The following BAIAP2 variants were observed in gnomAD, a reference collection of about 807,000 sequenced individuals.
The protein encoded by BAIAP2 is BAR/IMD domain-containing adapter protein 2.
Under a neutral mutation model 63.0 loss-of-function variants are expected in BAIAP2, and 18 were observed. The ratio of observed to expected loss-of-function variants is 0.29; its 90% CI spans 0.20 to 0.42. BAIAP2 has a LOEUF of 0.42. BAIAP2 is among the 10% of genes least tolerant of loss of function. The pLI, the probability that BAIAP2 is intolerant of heterozygous loss-of-function variation, is 1.00. For missense variants in BAIAP2, 610 were observed against 734.3 expected, an observed-to-expected ratio of 0.83 and a Z score of 1.96; for synonymous variants, 386 against 307.6, an observed-to-expected ratio of 1.25 and a Z score of -2.67.
At position 81,116,393 on chromosome 17, in the gene BAIAP2, C is replaced by T. The variant is rs577687450; in HGVS notation, c.*554C>T. On this transcript the variant is annotated 3_prime_UTR_variant, in exon 14 of 14. Coordinates refer to ENST00000428708, the MANE Select transcript of BAIAP2 (RefSeq NM_001144888.2). ...TCCCTCCCCATGCCCCTCGGTGGGG[C>T]TCTCCTGGGCCCCTCACTCCCACTG... The T allele has an allele frequency of 5.9e-4, 905 of 1,528,188 alleles. 6 individuals are homozygous for T. In the African/African-American group the frequency reaches 0.011, roughly 19 times the overall value. 94.7% of individuals were successfully genotyped at this position (1,528,188 alleles called of 1,614,324 possible). A position where few individuals can be genotyped will look rare whatever the true frequency, so the allele number is the denominator to read the frequency against.
At chr17:81,111,798 C>T (rs779996324) in intron 13 of BAIAP2, among the ~76,000 whole-genome samples, 1 of 152,240 alleles carries the variant, frequency 6.6e-6, no homozygotes, top group African/African-American at 2.4e-5. Flanking sequence ...TCGCCTACAC[C>T]TGTGTCTGGG....
At chr17:81,094,698 A>AG (rs1184503322) in intron 6 of BAIAP2, among the ~76,000 whole-genome samples, 7 of 152,134 alleles carry the variant, frequency 4.6e-5, no homozygotes, top group Non-Finnish European at 8.8e-5. Context: ...TCAGCCTGGG[A>AG]GGCCTGGTCA....
chr17:81,037,430 C>T (rs2046430352), intron 1 of BAIAP2, among the ~76,000 whole-genome samples: 2 of 152,338 alleles, frequency 1.3e-5, no homozygotes, highest in South Asian at 4.1e-4. Flanking sequence ...GTCTTTGAGA[C>T]CTTTTTGTGC....
At chr17:81,069,766 C>T (rs111400969) in intron 3 of BAIAP2, among the ~76,000 whole-genome samples, 17 of 152,290 alleles carry the variant, frequency 1.1e-4, no homozygotes, top group African/African-American at 2.9e-4. Context: ...AGGTTCAGTT[C>T]GCCTCCCAGC....
chr17:81,039,116 C>T (rs903887935), intron 1 of BAIAP2, among the ~76,000 whole-genome samples: 4 of 152,246 alleles, frequency 2.6e-5, no homozygotes, highest in African/African-American at 9.6e-5. Flanking sequence ...TGCATTTTCT[C>T]TACATGTGCA....
chr17:81,110,406 T>TA (rs2059778276), intron 13 of BAIAP2: 1 of 988,938 alleles, frequency 1.0e-6, no homozygotes, highest in African/African-American at 1.7e-5. Context: ...TATGAAGATG[T>TA]AAAGTGCTGA....
At chr17:81,052,222 G>A (rs758863430) in intron 1 of BAIAP2, among the ~76,000 whole-genome samples, 2 of 152,196 alleles carry the variant, frequency 1.3e-5, no homozygotes, top group Non-Finnish European at 2.9e-5. Context: ...GGCATGGAAA[G>A]TGCTTCCCTG....
chr17:81,040,914 G>A (rs957269296), intron 1 of BAIAP2, among the ~76,000 whole-genome samples: 2 of 152,230 alleles, frequency 1.3e-5, no homozygotes, highest in African/African-American at 4.8e-5. Flanking sequence ...GAGCAAGAGT[G>A]GAGGAGGCTG....
chr17:81,077,697 C>A (rs1204153724), intron 3 of BAIAP2, among the ~76,000 whole-genome samples: 1 of 152,222 alleles, frequency 6.6e-6, no homozygotes, highest in Non-Finnish European at 1.5e-5. Flanking sequence ...GCTGAGTATG[C>A]GGGTGGCTGT....
At chr17:81,098,953 A>G (rs2058083304) in intron 6 of BAIAP2, among the ~76,000 whole-genome samples, 1 of 150,470 alleles carries the variant, frequency 6.6e-6, no homozygotes, top group African/African-American at 2.5e-5. Context: ...TCTGGGACAC[A>G]TTCTCCCCGT....
intron 13 of BAIAP2, 79 bp from the exon 14 acceptor site, chr17:81,115,690 TG>T (rs2146243239): frequency 6.5e-7 from 1 of 1,546,132 alleles, no homozygotes; most frequent in East Asian, 2.2e-5. Context: ...GGGGAATCCC[TG>T]GGGCATCGGG....
At chr17:81,103,781 C>G in intron 8 of BAIAP2, 58 bp downstream of exon 8, 1 of 1,573,278 alleles carries the variant, frequency 6.4e-7, no homozygotes, top group Non-Finnish European at 8.6e-7. Flanking sequence ...AGCTTGTTGT[C>G]AGGGCGGGGG....
rs139972147 is a variant in BAIAP2 at position 81,088,586 on chromosome 17, G to A, written c.489+2006G>A. On this transcript the variant is annotated intron_variant, in intron 6 of 13. Transcript: ENST00000428708. ...GACTTGCCTGTTATGGACATTCTGC[G>A]TAGCTGGAATCCCACAGTGTCCGGC... Among the ~76,000 whole-genome samples, 115 of 152,298 alleles carry A rather than the reference G, an allele frequency of 7.6e-4. No individual in the cohort carries two copies. The East Asian group carries it at 0.02, about 27-fold the overall frequency.
chr17:81,038,889 G>A (rs979318201), intron 1 of BAIAP2, among the ~76,000 whole-genome samples: 13 of 40,656 alleles, frequency 3.2e-4, no homozygotes, highest in Admixed American at 1.2e-3. Context: ...CATTGGAGTC[G>A]CCTTCCTGGG....
At chr17:81,055,505 G>A (rs2049329301) in intron 2 of BAIAP2, among the ~76,000 whole-genome samples, 1 of 151,556 alleles carries the variant, frequency 6.6e-6, no homozygotes, top group South Asian at 2.1e-4. Flanking sequence ...GGTTGCACCC[G>A]AGGGACCTGC....
chr17:81,109,584 C>A (rs1011789096), intron 13 of BAIAP2: 2 of 985,204 alleles, frequency 2.0e-6, no homozygotes, highest in African/African-American at 3.5e-5. Flanking sequence ...AGAAAGGGGG[C>A]TCGTGCCAAG....
At position 81,035,293 on chromosome 17, in the gene BAIAP2, G is replaced by A. The variant is rs545697307; in HGVS notation, c.39G>A (p.Thr13=). 16 of 1,509,436 alleles carry A rather than the reference G, an allele frequency of 1.1e-5. No individual in the cohort carries two copies. Among genetic ancestry groups the A allele is most frequent in the Non-Finnish European group, 1.3e-5 (15 of 1,124,364 alleles). The allele number at this position is 1,509,436 out of a possible 1,614,324, so 93.5% of individuals were successfully genotyped here. The change falls in exon 1 of 14, where the codon ACG becomes ACA. Residue 13 remains threonine (T), a synonymous_variant. Transcript: ENST00000428708. The stretch of plus-strand genomic sequence containing the variant: ...GCTCAGAGGAGATGCACCGGCTCAC[G>A]GAAAATGTCTATAAGGTGAGCGCCC... ...LSRSEEMHRL[T]ENVYKTIMEQ...
intron 6 of BAIAP2, 93 bp downstream of exon 6, chr17:81,086,673 C>T (rs2055704414): frequency 2.1e-6 from 3 of 1,438,956 alleles, no homozygotes; most frequent in South Asian, 1.2e-5. Flanking sequence ...GGACAGCAGC[C>T]CCCCAGGTGC....
At chr17:81,090,774 G>A (rs571611140) in intron 6 of BAIAP2, among the ~76,000 whole-genome samples, 1 of 131,874 alleles carries the variant, frequency 7.6e-6, no homozygotes, top group Admixed American at 9.0e-5. Context: ...ATCCTGGGGT[G>A]AGTGCCATGT....
Sources: gnomAD v4.1 joint callset for allele counts (sites outside exome capture counted in the v4.1 genomes callset) on GRCh38, gnomAD v4.1.1 for gene constraint, MANE v1.5 for transcripts, NCBI Gene and HGNC (gene_info 2026-07-23, HGNC 2026-07-21) for gene names.